GALNT10: variants seen among roughly 807,000 people sequenced by gnomAD.
GALNT10 encodes polypeptide N-acetylgalactosaminyltransferase 10.
A neutral mutation model predicts 75.0 loss-of-function variants in GALNT10; 41 were observed. That is an observed-to-expected ratio of 0.55 (90% CI 0.43 to 0.71). GALNT10 has a LOEUF of 0.71. Ranked by LOEUF, GALNT10 falls within the 30% of genes least tolerant of loss-of-function variation. The pLI is 0.00. For synonymous variants in GALNT10, 302 were observed against 313.0 expected, an observed-to-expected ratio of 0.96 and a Z score of 0.37; for missense variants, 727 against 818.5, an observed-to-expected ratio of 0.89 and a Z score of 1.36.
chr5:154,350,301 A>G (rs1254793076), intron 4 of GALNT10, among the ~76,000 whole-genome samples: 2 of 152,192 alleles, frequency 1.3e-5, no homozygotes, highest in African/African-American at 4.8e-5. Flanking sequence ...TGGCTGGGGC[A>G]TGGTGCAGGA....
At chr5:154,251,585 A>G (rs761822819) in intron 1 of GALNT10, among the ~76,000 whole-genome samples, 1 of 152,178 alleles carries the variant, frequency 6.6e-6, no homozygotes, top group Non-Finnish European at 1.5e-5. Context: ...GAGGCACATT[A>G]CATCTTCTGG....
intron 4 of GALNT10, among the ~76,000 whole-genome samples, chr5:154,367,110 AT>A (rs1380648763): frequency 9.9e-5 from 15 of 152,260 alleles, no homozygotes; most frequent in African/African-American, 3.1e-4. Context: ...ATAGAAAAAA[AT>A]AAATGTATCC....
intron 7 of GALNT10, chr5:154,388,835 G>A (rs1266195025): frequency 2.8e-5 from 4 of 145,086 alleles, no homozygotes; most frequent in Non-Finnish European, 6.0e-5. Context: ...GATCTCTTGA[G>A]CCTAGGAGTT....
At chr5:154,221,830 T>C (rs1053366002) in intron 1 of GALNT10, among the ~76,000 whole-genome samples, 4 of 152,324 alleles carry the variant, frequency 2.6e-5, no homozygotes, top group African/African-American at 9.6e-5. Flanking sequence ...TGCCACTCTT[T>C]ATGCTGACAC....
At chr5:154,404,559 A>G (rs538590469) in intron 8 of GALNT10, among the ~76,000 whole-genome samples, 1 of 152,306 alleles carries the variant, frequency 6.6e-6, no homozygotes, top group Non-Finnish European at 1.5e-5. Flanking sequence ...AAACACAGGA[A>G]TGTTTTCTTG....
intron 1 of GALNT10, among the ~76,000 whole-genome samples, chr5:154,263,633 G>A (rs561123394): frequency 1.3e-5 from 2 of 152,236 alleles, no homozygotes; most frequent in Admixed American, 6.5e-5. Context: ...CAAGGCAGTG[G>A]CAGATTCAGT....
At chr5:154,293,740 T>G (rs1754234562) in intron 1 of GALNT10, among the ~76,000 whole-genome samples, 1 of 152,040 alleles carries the variant, frequency 6.6e-6, no homozygotes, top group Non-Finnish European at 1.5e-5. Context: ...CATCTGCTTT[T>G]GCTTGCGGCA....
chr5:154,389,098 G>GTAGT (rs1159956471), intron 7 of GALNT10: 3 of 151,972 alleles, frequency 2.0e-5, no homozygotes, highest in Admixed American at 1.3e-4. Flanking sequence ...TCAGCAAAGA[G>GTAGT]TAGTCAGTGG....
chr5:154,263,703 T>G lies in GALNT10; in HGVS notation c.160-31113T>G, dbSNP rs560032065. Among the ~76,000 whole-genome samples the G allele has an allele frequency of 2.0e-5, 3 of 152,242 alleles. No individual in the cohort carries two copies. The South Asian group carries it at 6.2e-4, about 32-fold the overall frequency. On this transcript the variant is annotated intron_variant, in intron 1 of 11. Coordinates refer to ENST00000297107, the MANE Select transcript of GALNT10 (RefSeq NM_198321.4). ...GTGCCTTCTTATTTGTGCCCTTACATAGTAGAAAGGATGAGCAATCTCTCT... is the reference window on the plus strand; with the variant it reads ...GTGCCTTCTTATTTGTGCCCTTACAGAGTAGAAAGGATGAGCAATCTCTCT...
chr5:154,306,736 C>T (rs867855905), intron 3 of GALNT10, among the ~76,000 whole-genome samples: 1 of 151,044 alleles, frequency 6.6e-6, no homozygotes, highest in Non-Finnish European at 1.5e-5. Flanking sequence ...AAAACAACAA[C>T]AACAACAAAA....
chr5:154,295,446 G>T (rs1454897526), intron 2 of GALNT10, among the ~76,000 whole-genome samples: 1 of 144,048 alleles, frequency 6.9e-6, no homozygotes, highest in Non-Finnish European at 1.5e-5. Context: ...CACAGAAAGA[G>T]AGGCAAACTT....
intron 2 of GALNT10, among the ~76,000 whole-genome samples, chr5:154,296,597 A>G (rs1363796568): frequency 6.6e-6 from 1 of 152,178 alleles, no homozygotes; most frequent in Non-Finnish European, 1.5e-5. Flanking sequence ...CACATCATTC[A>G]CATTGAACCT....
chr5:154,280,159 A>G (rs1754018362), intron 1 of GALNT10, among the ~76,000 whole-genome samples: 1 of 152,254 alleles, frequency 6.6e-6, no homozygotes, highest in Admixed American at 6.5e-5. Flanking sequence ...AACCAGGCAC[A>G]GAAAGACAAA....
intron 1 of GALNT10, among the ~76,000 whole-genome samples, chr5:154,278,420 T>G (rs1753984377): frequency 6.6e-6 from 1 of 152,220 alleles, no homozygotes; most frequent in South Asian, 2.1e-4. Flanking sequence ...CTTTCTTTTC[T>G]GTGTGACTTC....
At chr5:154,226,833 C>T (rs1209449786) in intron 1 of GALNT10, among the ~76,000 whole-genome samples, 1 of 152,060 alleles carries the variant, frequency 6.6e-6, no homozygotes, top group East Asian at 1.9e-4. Context: ...GTAACCTCTC[C>T]CTCCTGTCCC....
intron 1 of GALNT10, among the ~76,000 whole-genome samples, chr5:154,279,052 T>C (rs72808634): frequency 0.042 from 6,324 of 152,288 alleles, 162 homozygotes; most frequent in Middle Eastern, 0.13. Flanking sequence ...TCAGTTCTTT[T>C]AGATACATAC....
rs6873014 is a variant in GALNT10 at position 154,258,314 on chromosome 5, C to G, written c.160-36502C>G. Among the ~76,000 whole-genome samples, 477 of 152,320 alleles carry G rather than the reference C, an allele frequency of 3.1e-3. 2 individuals are homozygous for G. Among genetic ancestry groups the G allele is most frequent in the African/African-American group, 0.011 (462 of 41,576 alleles). ...TCAGTGTCTATTGTCTTGAGCAGTT[C>G]TCCATCACTGCTTATTCCTTACATT... On this transcript the variant is annotated intron_variant, in intron 1 of 11. Coordinates refer to ENST00000297107, the MANE Select transcript of GALNT10 (RefSeq NM_198321.4).
In GALNT10 at chr5:154,351,271, A is replaced by G. The variant is rs79707221; in HGVS notation, c.568+21533A>G. ...GTGAGGAATCTTCTCCCACACATCTAGTGGGATGTGAGACAGGATTTGAAC... is the reference window on the plus strand; with the variant it reads ...GTGAGGAATCTTCTCCCACACATCTGGTGGGATGTGAGACAGGATTTGAAC... On this transcript the variant is annotated intron_variant, in intron 4 of 11. Coordinates refer to ENST00000297107, the MANE Select transcript of GALNT10 (RefSeq NM_198321.4). Among the ~76,000 whole-genome samples, 1,328 of 152,316 alleles carry G rather than the reference A, an allele frequency of 8.7e-3. 22 individuals are homozygous for G. Among genetic ancestry groups the G allele is most frequent in the African/African-American group, 0.031 (1,295 of 41,564 alleles).
At chr5:154,386,595 GT>G in intron 7 of GALNT10, 165 bp downstream of exon 7, 1 of 341,014 alleles carries the variant, frequency 2.9e-6, no homozygotes, top group Non-Finnish European at 5.7e-6. Context: ...GCCACTCTTT[GT>G]TGTGGGGTGG....
Sources: gnomAD v4.1 joint callset for allele counts (sites outside exome capture counted in the v4.1 genomes callset) on GRCh38, gnomAD v4.1.1 for gene constraint, MANE v1.5 for transcripts, NCBI Gene and HGNC (gene_info 2026-07-23, HGNC 2026-07-21) for gene names.